The following CSMD1 variants were observed in gnomAD, a reference collection of about 807,000 sequenced individuals.
The protein encoded by CSMD1 is CUB and Sushi multiple domains 1, also known as CUB and sushi domain-containing protein 1.
Under a neutral mutation model 417.5 loss-of-function variants are expected in CSMD1, and 213 were observed. The ratio of observed to expected loss-of-function variants is 0.51; its 90% confidence interval spans 0.46 to 0.57. The LOEUF is 0.57. Ranked by LOEUF, CSMD1 falls within the 20% of genes least tolerant of loss-of-function variation. CSMD1 has a pLI of 0.00. For missense variants in CSMD1, 6,923 were observed against 4,529.7 expected (o/e 1.53, Z -15.17); for synonymous variants, 2,862 against 1,736.8 (o/e 1.65, Z -16.11).
At chr8:4,850,752 A>C (rs1356085990) in intron 1 of CSMD1, among the ~76,000 whole-genome samples, 2 of 151,758 alleles carry the variant, frequency 1.3e-5, no homozygotes, top group Admixed American at 6.6e-5. Context: ...CCAGTACCTC[A>C]ATTTTCTTTC....
intron 12 of CSMD1, among the ~76,000 whole-genome samples, chr8:3,442,717 C>G (rs1815063904): frequency 1.3e-5 from 2 of 152,120 alleles, no homozygotes; most frequent in African/African-American, 2.4e-5. Flanking sequence ...CAATGCATGA[C>G]TGCATATGCA....
At chr8:4,789,577 C>T (rs187377849) in intron 1 of CSMD1, among the ~76,000 whole-genome samples, 7 of 152,186 alleles carry the variant, frequency 4.6e-5, no homozygotes, top group Non-Finnish European at 1.0e-4. Context: ...AATCTGGCAC[C>T]CTAGGTTTGG....
chr8:3,535,837 T>C (rs1033486717), intron 10 of CSMD1, among the ~76,000 whole-genome samples: 5 of 152,156 alleles, frequency 3.3e-5, no homozygotes, highest in Non-Finnish European at 2.9e-5. Flanking sequence ...CCAGTTTTTG[T>C]ATATGAAGTG....
chr8:4,142,688 G>T (rs774901185), intron 3 of CSMD1, among the ~76,000 whole-genome samples: 1 of 151,178 alleles, frequency 6.6e-6, no homozygotes, highest in East Asian at 1.9e-4. Flanking sequence ...GCAGTTATTG[G>T]GTGGCTGAGG....
intron 3 of CSMD1, among the ~76,000 whole-genome samples, chr8:4,305,614 G>A (rs1045548609): frequency 2.0e-5 from 3 of 152,134 alleles, no homozygotes; most frequent in Non-Finnish European, 4.4e-5. Context: ...CAGAATCCAC[G>A]TAAGACCGTT....
At chr8:4,053,059 G>C (rs140626523) in intron 3 of CSMD1, among the ~76,000 whole-genome samples, 12 of 152,250 alleles carry the variant, frequency 7.9e-5, no homozygotes, top group East Asian at 5.8e-4. Context: ...GAGTCCTTGG[G>C]AGGCTGTGTG....
intron 5 of CSMD1, among the ~76,000 whole-genome samples, chr8:3,893,088 C>G (rs1244446376): frequency 6.6e-6 from 1 of 151,740 alleles, no homozygotes; most frequent in African/African-American, 2.4e-5. Context: ...CTGGAATTAG[C>G]TTTCTATTAT....
chr8:3,113,346 AT>A (rs1470429262), intron 42 of CSMD1: 1 of 152,244 alleles, frequency 6.6e-6, no homozygotes, highest in African/African-American at 2.4e-5. Flanking sequence ...ACGCGCAGGC[AT>A]TTCCGTGCTC....
chr8:3,693,323 A>AT (rs552740174), intron 7 of CSMD1, among the ~76,000 whole-genome samples: 92 of 151,828 alleles, frequency 6.1e-4, no homozygotes, highest in African/African-American at 1.9e-3. Context: ...ATATATGATA[A>AT]TTTTTTTTTC....
rs373137372 is a variant in CSMD1 at position 3,149,652 on chromosome 8, A to AT, written c.6031+1744dup. Among the ~76,000 whole-genome samples, 1,069 of 152,190 alleles carry AT rather than the reference A, an allele frequency of 7.0e-3. 11 individuals carry two copies. The highest frequency in any genetic ancestry group is 0.025 in the African/African-American group (1,022 of 41,522). ...GCCACCATGCCCAGCTAAGTTTTGT[A>AT]TTTTTAGTAGAGACGGCGTTTCATC... On this transcript the variant is annotated intron_variant, in intron 40 of 69. Coordinates refer to ENST00000635120, the MANE Select transcript of CSMD1 (RefSeq NM_033225.6).
intron 2 of CSMD1, among the ~76,000 whole-genome samples, chr8:4,424,219 G>A (rs890470735): frequency 3.3e-5 from 5 of 151,932 alleles, no homozygotes. Context: ...AAAAACTTTG[G>A]CTGCAAAAGA....
chr8:4,263,199 T>C (rs1215677364), intron 3 of CSMD1, among the ~76,000 whole-genome samples: 65 of 152,116 alleles, frequency 4.3e-4, no homozygotes, highest in Admixed American at 4.1e-3. Flanking sequence ...CCGTGTATTC[T>C]AGTATTCGAG....
intron 49 of CSMD1, among the ~76,000 whole-genome samples, chr8:3,063,241 A>G (rs955495005): frequency 2.0e-5 from 3 of 152,206 alleles, no homozygotes; most frequent in Non-Finnish European, 4.4e-5. Flanking sequence ...AGTCAAGCCC[A>G]GAAGCACATG....
At chr8:3,947,761 T>C (rs73509606) in intron 5 of CSMD1, among the ~76,000 whole-genome samples, 25,167 of 152,180 alleles carry the variant, frequency 0.17, 3,209 homozygotes, top group African/African-American at 0.35. Flanking sequence ...GAATGTTCCA[T>C]GTGCGGTTGA....
In CSMD1 at chr8:3,375,387, C is replaced by T. The variant is rs374038165; in HGVS notation, c.2783-6017G>A. Reference sequence around the variant, plus strand: ...GCACAGCCTTGGGCCTGATCTGTTTCCATCTTTTCTCTTTTTTTCCATCAT... The same window carrying T: ...GCACAGCCTTGGGCCTGATCTGTTTTCATCTTTTCTCTTTTTTTCCATCAT... On this transcript the variant is annotated intron_variant, in intron 18 of 69. Transcript: ENST00000635120. 4.6e-5 allele frequency among the ~76,000 whole-genome samples: 7 copies of T among 152,160 alleles called. No homozygotes were observed. In the East Asian group the frequency reaches 9.7e-4, roughly 21 times the overall value.
chr8:4,764,872 C>CAAAAAAAAAAAAAAAAAAA (rs1194894751), intron 1 of CSMD1, among the ~76,000 whole-genome samples: 5 of 50,940 alleles, frequency 9.8e-5, no homozygotes, highest in South Asian at 1.6e-3. Flanking sequence ...GACTCCATCT[C>CAAAAAAAAAAAAAAAAAAA]AAAAAAAAAA....
Position 4,136,240 on chromosome 8 carries a change from C to A in CSMD1, c.416-104141G>T, listed in dbSNP as rs919764316. Among the ~76,000 whole-genome samples, 20 of 152,246 alleles carry A rather than the reference C, an allele frequency of 1.3e-4. No individual in the cohort carries two copies. The South Asian group carries it at 1.7e-3, about 13-fold the overall frequency. On this transcript the variant is annotated intron_variant, in intron 3 of 69. Coordinates refer to ENST00000635120, the MANE Select transcript of CSMD1 (RefSeq NM_033225.6). ...ACATATATAGAAATGAACTATTGAA[C>A]CAGACTTGACAGATTGTAACTTGAA...
rs115494860 is a variant in CSMD1 at position 4,505,829 on chromosome 8, C to T, written c.303-85764G>A. Among the ~76,000 whole-genome samples, 840 of 151,364 alleles carry T rather than the reference C, an allele frequency of 5.5e-3. 8 individuals are homozygous for T. Among genetic ancestry groups the T allele is most frequent in the African/African-American group, 0.019 (782 of 41,228 alleles). On this transcript the variant is annotated intron_variant, in intron 2 of 69. Coordinates refer to ENST00000635120, the MANE Select transcript of CSMD1 (RefSeq NM_033225.6). ...ATATTTTTTTTTTTTTAGATAGAGT[C>T]TCACTCTGTCACCCACAATAGAGTA... is the stretch of plus-strand genomic sequence containing the variant.
intron 23 of CSMD1, among the ~76,000 whole-genome samples, chr8:3,341,629 C>A (rs1807660663): frequency 6.6e-6 from 1 of 152,022 alleles, no homozygotes. Flanking sequence ...AGGGAGGATC[C>A]CAGGCCAACG....
Sources: allele counts gnomAD v4.1 joint callset (sites outside exome capture counted in the v4.1 genomes callset), GRCh38; gene constraint gnomAD v4.1.1; transcripts MANE v1.5; gene names NCBI Gene and HGNC (gene_info 2026-07-23, HGNC 2026-07-21).